The following LNP1 variants were observed in gnomAD, a reference collection of about 807,000 sequenced individuals.
LNP1 encodes leukemia NUP98 fusion partner 1.
Under a neutral mutation model 14.5 loss-of-function variants are expected in LNP1, and 12 were observed. The observed-to-expected ratio is 0.83, with a 90% CI of 0.53 to 1.34. The LOEUF (loss-of-function observed/expected upper bound fraction) is 1.34, where lower values mean the gene tolerates loss of function less well. Ranked by LOEUF, LNP1 falls within the 40% of genes most tolerant of loss-of-function variation. The pLI is 0.00. For missense variants in LNP1, 198 were observed against 210.9 expected, an observed-to-expected ratio of 0.94 and a Z score of 0.38; for synonymous variants, 75 against 71.4, an observed-to-expected ratio of 1.05 and a Z score of -0.26.
chr3:100,420,273 T>C (rs886873198), intron 1 of LNP1, among the ~76,000 whole-genome samples: 4 of 152,174 alleles, frequency 2.6e-5, no homozygotes, highest in African/African-American at 9.7e-5. Context: ...TTGGCTTGTT[T>C]TCTTGTTTTC....
chr3:100,416,046 T>G (rs141445272), intron 1 of LNP1, among the ~76,000 whole-genome samples: 1 of 152,332 alleles, frequency 6.6e-6, no homozygotes, highest in East Asian at 1.9e-4. Flanking sequence ...GAACCTAGAG[T>G]CTGGACTAGA....
chr3:100,448,221 C>T (rs1707406734), intron 2 of LNP1, among the ~76,000 whole-genome samples: 1 of 152,132 alleles, frequency 6.6e-6, no homozygotes, highest in Non-Finnish European at 1.5e-5. Flanking sequence ...TCCTTTTAAG[C>T]TGTTCTTGTT....
chr3:100,453,452 T>C (rs1200461744), intron 3 of LNP1, among the ~76,000 whole-genome samples: 2 of 150,562 alleles, frequency 1.3e-5, no homozygotes, highest in African/African-American at 4.9e-5. Context: ...TTACCAGCCA[T>C]GGTGTCCTGC....
intron 3 of LNP1, among the ~76,000 whole-genome samples, chr3:100,453,502 A>G (rs1177380042): frequency 6.7e-6 from 1 of 148,182 alleles, no homozygotes; most frequent in African/African-American, 2.5e-5. Context: ...AGGTGGGAGG[A>G]TCTCTTGTGC....
chr3:100,432,027 TA>T (rs1707248039), intron 2 of LNP1, among the ~76,000 whole-genome samples: 1 of 55,868 alleles, frequency 1.8e-5, no homozygotes, highest in African/African-American at 7.4e-5. Flanking sequence ...TATATATATA[TA>T]TATATATATA....
chr3:100,433,713 C>T (rs1707264753), intron 2 of LNP1, among the ~76,000 whole-genome samples: 1 of 152,190 alleles, frequency 6.6e-6, no homozygotes, highest in South Asian at 2.1e-4. Context: ...TTCTCCACAG[C>T]CTTGCCAGCA....
chr3:100,404,416 G>A (rs1157392511), intron 1 of LNP1, among the ~76,000 whole-genome samples: 1 of 152,216 alleles, frequency 6.6e-6, no homozygotes, highest in East Asian at 1.9e-4. Context: ...AGCCACATGT[G>A]GCTATTGAGC....
intron 2 of LNP1, among the ~76,000 whole-genome samples, chr3:100,450,089 CTTTT>C (rs57762414): frequency 0.36 from 48,093 of 135,004 alleles, 7,885 homozygotes; most frequent in East Asian, 0.58. Flanking sequence ...CACCATACCA[CTTTT>C]TTTTTTTTTT....
chr3:100,421,736 T>G (rs1285324403), intron 1 of LNP1, among the ~76,000 whole-genome samples: 4 of 152,198 alleles, frequency 2.6e-5, no homozygotes, highest in Non-Finnish European at 5.9e-5. Context: ...TGCAAATTTT[T>G]TTTAAAGCTT....
chr3:100,426,704 C>T lies in LNP1; in HGVS notation c.-33-2993C>T, dbSNP rs577794366. 5.9e-5 allele frequency among the ~76,000 whole-genome samples: 9 copies of T among 152,164 alleles called. No homozygotes were observed. The South Asian group carries it at 1.9e-3, about 32-fold the overall frequency. On this transcript the variant is annotated intron_variant, in intron 1 of 3. Transcript: ENST00000383693. The stretch of plus-strand genomic sequence containing the variant: ...TGTTGTCTACCTTTTCCCATAGGCT[C>T]CAACAGGCAAAAATTATAGCAAAAA...
At chr3:100,447,518 C>T (rs1314843979) in intron 2 of LNP1, among the ~76,000 whole-genome samples, 4 of 151,908 alleles carry the variant, frequency 2.6e-5, no homozygotes, top group African/African-American at 4.8e-5. Context: ...TTGATGGGTG[C>T]AGCAAACCAA....
chr3:100,446,500 G>C (rs1298955627), intron 2 of LNP1, among the ~76,000 whole-genome samples: 5 of 152,118 alleles, frequency 3.3e-5, no homozygotes, highest in Admixed American at 3.3e-4. Context: ...AAAAACCCTA[G>C]AAGAAAACCT....
At chr3:100,412,856 CT>C (rs1235745641) in intron 1 of LNP1, among the ~76,000 whole-genome samples, 2 of 152,198 alleles carry the variant, frequency 1.3e-5, no homozygotes, top group African/African-American at 2.4e-5. Flanking sequence ...ACTCCTGTAT[CT>C]GTAAGAGGGT....
At chr3:100,454,132 C>T (rs563320703) in intron 3 of LNP1, among the ~76,000 whole-genome samples, 2 of 152,216 alleles carry the variant, frequency 1.3e-5, no homozygotes, top group East Asian at 3.9e-4. Flanking sequence ...CCACATTCTT[C>T]CTTTTGGGTT....
chr3:100,418,477 C>T (rs1707110685), intron 1 of LNP1, among the ~76,000 whole-genome samples: 1 of 151,806 alleles, frequency 6.6e-6, no homozygotes, highest in African/African-American at 2.4e-5. Context: ...TCTGTATTCT[C>T]ATTTTTAAAA....
chr3:100,448,116 T>C (rs1707405430), intron 2 of LNP1, among the ~76,000 whole-genome samples: 1 of 152,160 alleles, frequency 6.6e-6, no homozygotes, highest in African/African-American at 2.4e-5. Context: ...AAAACTGTGA[T>C]AGTCATCATT....
At chr3:100,447,737 C>T (rs1283824372) in intron 2 of LNP1, among the ~76,000 whole-genome samples, 1 of 152,188 alleles carries the variant, frequency 6.6e-6, no homozygotes, top group Non-Finnish European at 1.5e-5. Flanking sequence ...ACTAAATTTA[C>T]CATACAAGAG....
chr3:100,425,234 T>A (rs1707181328), intron 1 of LNP1, among the ~76,000 whole-genome samples: 4 of 152,202 alleles, frequency 2.6e-5, no homozygotes. Context: ...CAGTGTGTCT[T>A]CCCACCGTGG....
chr3:100,455,993 C>A lies in LNP1; in HGVS notation c.*67C>A. On this transcript the variant is annotated 3_prime_UTR_variant, in exon 4 of 4. Transcript: ENST00000383693. The stretch of plus-strand genomic sequence containing the variant: ...GTTTTTTTCTTTGAGCCCCAATTCA[C>A]CATTTCAGGATGTGGATGGGGGCGG... The A allele has an allele frequency of 6.6e-7, 1 of 1,526,540 alleles. No homozygotes were observed. 94.6% of individuals were successfully genotyped at this position (1,526,540 alleles called of 1,614,324 possible).
Sources: gnomAD v4.1 joint callset for allele counts (sites outside exome capture counted in the v4.1 genomes callset) on GRCh38, gnomAD v4.1.1 for gene constraint, MANE v1.5 for transcripts, NCBI Gene and HGNC (gene_info 2026-07-23, HGNC 2026-07-21) for gene names.